The following ICA1L variants were observed in gnomAD, a reference collection of about 807,000 sequenced individuals.
ICA1L encodes the protein islet cell autoantigen 1-like protein.
ICA1L carries 50 observed loss-of-function variants against 61.3 expected under a neutral mutation model. The observed-to-expected ratio is 0.82, with a 90% CI of 0.65 to 1.03. The LOEUF is 1.03. ICA1L is among the 50% of genes least tolerant of loss of function. The pLI, the probability that ICA1L is intolerant of heterozygous loss-of-function variation, is 0.00. For missense variants in ICA1L, 508 were observed against 556.7 expected (o/e 0.91, Z 0.88); for synonymous variants, 161 against 191.3 (o/e 0.84, Z 1.31).
chr2:202,812,496 G>C (rs1165143110), intron 8 of ICA1L, among the ~76,000 whole-genome samples: 2 of 152,028 alleles, frequency 1.3e-5, no homozygotes, highest in African/African-American at 2.4e-5. Flanking sequence ...AGAATCACTT[G>C]AACCTGGGAG....
intron 1 of ICA1L, among the ~76,000 whole-genome samples, chr2:202,848,087 G>A (rs1291642695): frequency 1.3e-5 from 2 of 152,080 alleles, no homozygotes; most frequent in Non-Finnish European, 2.9e-5. Flanking sequence ...CTGGAGTGGG[G>A]AGAAGGGAGG....
chr2:202,868,966 T>C (rs1263603037), intron 1 of ICA1L, among the ~76,000 whole-genome samples: 1 of 151,616 alleles, frequency 6.6e-6, no homozygotes, highest in African/African-American at 2.4e-5. Context: ...AGACTCTGTC[T>C]CAAAACAACA....
intron 3 of ICA1L, 61 bp downstream of exon 3, chr2:202,825,634 T>TA (rs1348517115): frequency 2.2e-6 from 3 of 1,337,274 alleles, no homozygotes; most frequent in East Asian, 2.5e-5. Flanking sequence ...TCTTTCATTT[T>TA]AAAAAATGCT....
Position 202,773,955 on chromosome 2 carries a change from C to T in ICA1L, c.*5578G>A. The T allele has an allele frequency of 9.3e-7, 1 of 1,080,588 alleles. No individual in the cohort carries two copies. 66.9% of individuals were successfully genotyped at this position (1,080,588 alleles called of 1,614,324 possible). A position where few individuals can be genotyped will look rare whatever the true frequency, so the allele number is the denominator to read the frequency against. ...AAAGATTCTTCTCTTCCGCTTATTA[C>T]TTGCCACTGTGTTTTAAAAGGTATA... On this transcript the variant is annotated 3_prime_UTR_variant, in exon 13 of 13. Transcript: ENST00000358299.
intron 9 of ICA1L, among the ~76,000 whole-genome samples, chr2:202,803,400 CAAAAAAAAAAAAA>C (rs71030990): frequency 3.3e-5 from 2 of 60,644 alleles, no homozygotes; most frequent in African/African-American, 6.9e-5. Flanking sequence ...GACTCGATCT[CAAAAAAAAAAAAA>C]AAAAAAAAAA....
intron 1 of ICA1L, among the ~76,000 whole-genome samples, chr2:202,835,204 T>C (rs1171998770): frequency 1.4e-5 from 2 of 147,674 alleles, no homozygotes; most frequent in Non-Finnish European, 3.0e-5. Context: ...CATTGTTTTA[T>C]TGATTTCTTC....
intron 9 of ICA1L, among the ~76,000 whole-genome samples, chr2:202,805,701 T>G (rs1370746137): frequency 6.6e-6 from 1 of 151,772 alleles, no homozygotes; most frequent in Non-Finnish European, 1.5e-5. Flanking sequence ...GCTAAAAGAA[T>G]AATAATAATA....
intron 5 of ICA1L, 105 bp downstream of exon 5, chr2:202,819,596 A>T (rs1693638348): frequency 3.4e-6 from 3 of 894,110 alleles, no homozygotes; most frequent in Non-Finnish European, 3.5e-6. Flanking sequence ...ATGTATAATG[A>T]AACATATATT....
intron 8 of ICA1L, among the ~76,000 whole-genome samples, chr2:202,812,393 G>A (rs541350751): frequency 9.2e-5 from 14 of 152,094 alleles, no homozygotes; most frequent in East Asian, 7.7e-4. Context: ...CCTGACCAAC[G>A]TGGTGAAACC....
intron 1 of ICA1L, among the ~76,000 whole-genome samples, chr2:202,870,106 G>GA (rs892991745): frequency 2.4e-4 from 36 of 152,082 alleles, no homozygotes; most frequent in Non-Finnish European, 8.8e-5. Context: ...TAAAAGTACA[G>GA]AAAAAATGTA....
chr2:202,845,758 TG>T (rs1353128767), intron 1 of ICA1L, among the ~76,000 whole-genome samples: 1 of 152,228 alleles, frequency 6.6e-6, no homozygotes, highest in African/African-American at 2.4e-5. Context: ...GAGGTAGATT[TG>T]TATTCACTTA....
In ICA1L at chr2:202,776,095, A is replaced by T. The variant is rs886478805; in HGVS notation, c.*3438T>A. ...TCTAGATGGTCTATACAGATACGTG[A>T]AATATTTATAGTTAAAATACAAAAC... On this transcript the variant is annotated 3_prime_UTR_variant, in exon 13 of 13. Coordinates refer to ENST00000358299, the MANE Select transcript of ICA1L (RefSeq NM_001288622.3). The T allele has an allele frequency of 2.0e-5, 3 of 152,216 alleles. No homozygotes were observed. Among genetic ancestry groups the T allele is most frequent in the Admixed American group, 2.0e-4 (3 of 15,278 alleles). The allele number at this position is 152,216 out of a possible 1,614,324, so 9.4% of individuals were successfully genotyped here.
chr2:202,774,578 AG>A lies in ICA1L; in HGVS notation c.*4954del. ...TGTAATATACTCACAGGTCCTAGAGAGACCAGTCACTGCATGCTGAGAGGGG... is the reference window on the plus strand; with the variant it reads ...TGTAATATACTCACAGGTCCTAGAGAACCAGTCACTGCATGCTGAGAGGGG... On this transcript the variant is annotated 3_prime_UTR_variant, in exon 13 of 13. Coordinates refer to ENST00000358299, the MANE Select transcript of ICA1L (RefSeq NM_001288622.3). 3.1e-6 allele frequency: 1 copy of A among 326,614 alleles called. No homozygotes were observed. The highest frequency in any genetic ancestry group is 9.9e-5 in the South Asian group (1 of 10,144). 20.2% of individuals were successfully genotyped at this position (326,614 alleles called of 1,614,324 possible). A position where few individuals can be genotyped will look rare whatever the true frequency, so the allele number is the denominator to read the frequency against.
chr2:202,816,869 AC>A lies in ICA1L; in HGVS notation c.684+548del, dbSNP rs1302619310. Among the ~76,000 whole-genome samples, 3 of 152,342 alleles carry A rather than the reference AC, an allele frequency of 2.0e-5. No homozygotes were observed. In the East Asian group the frequency reaches 5.8e-4, roughly 29 times the overall value. On this transcript the variant is annotated intron_variant, in intron 6 of 12. Coordinates refer to ENST00000358299, the MANE Select transcript of ICA1L (RefSeq NM_001288622.3). ...GTGTTACTTATATGTGATTTGTGGT[AC>A]TATAAGCACAAGTGAGACTTCTGAG... is the stretch of plus-strand genomic sequence containing the variant.
In ICA1L at chr2:202,847,695, T is replaced by TTATATA. The variant is rs80134434; in HGVS notation, c.-7-18685_-7-18680dup. On this transcript the variant is annotated intron_variant, in intron 1 of 12. Transcript: ENST00000358299. ...CTTAGAATGAAATATTATATGGGAA[T>TTATATA]TATATATATATATAGTTAAGCAGTG... Among the ~76,000 whole-genome samples, 9 of 102,238 alleles carry TTATATA rather than the reference T, an allele frequency of 8.8e-5. 1 individual carries two copies. The highest frequency in any genetic ancestry group is 2.5e-4 in the South Asian group (1 of 3,996). 67.1% of individuals were successfully genotyped at this position (102,238 alleles called of 152,430 possible).
At chr2:202,784,553 T>C (rs1692518738) in intron 12 of ICA1L, among the ~76,000 whole-genome samples, 1 of 152,238 alleles carries the variant, frequency 6.6e-6, no homozygotes, top group African/African-American at 2.4e-5. Context: ...GAATGAATTA[T>C]ATCTCAGTAA....
chr2:202,814,854 G>T, intron 7 of ICA1L, 70 bp from the exon 8 acceptor site: 2 of 1,036,938 alleles, frequency 1.9e-6, no homozygotes, highest in South Asian at 1.4e-5. Context: ...AAGAAAATGA[G>T]AATATAAATT....
intron 12 of ICA1L, among the ~76,000 whole-genome samples, chr2:202,782,654 A>T (rs1022615674): frequency 1.3e-5 from 2 of 151,854 alleles, no homozygotes; most frequent in Non-Finnish European, 2.9e-5. Flanking sequence ...TGATCTGCCC[A>T]CCTTGGCCTC....
intron 10 of ICA1L, among the ~76,000 whole-genome samples, chr2:202,794,873 G>T (rs1420854489): frequency 6.6e-6 from 1 of 151,932 alleles, no homozygotes; most frequent in Non-Finnish European, 1.5e-5. Flanking sequence ...TTTTCATGAG[G>T]ATGTCTCAAC....
Sources: allele counts gnomAD v4.1 joint callset (sites outside exome capture counted in the v4.1 genomes callset), GRCh38; gene constraint gnomAD v4.1.1; transcripts MANE v1.5; gene names NCBI Gene and HGNC (gene_info 2026-07-23, HGNC 2026-07-21).